Variants in UMAD1 observed in about 807,000 individuals in gnomAD.
UMAD1 encodes the protein UBAP1-MVB12-associated (UMA) domain containing 1.
In UMAD1, 8 loss-of-function variants were observed where a neutral mutation model predicts 6.1. The ratio of observed to expected loss-of-function variants is 1.30; its 90% CI spans 0.76 to 2.35. The LOEUF is 2.35. Ranked by LOEUF, UMAD1 falls within the 30% of genes most tolerant of loss-of-function variation. The pLI is 0.00. For missense variants in UMAD1, 130 were observed against 78.4 expected (o/e 1.66, Z -2.49); for synonymous variants, 56 against 31.4 (o/e 1.78, Z -2.61).
intron 2 of UMAD1, among the ~76,000 whole-genome samples, chr7:7,703,534 T>A (rs1780520140): frequency 6.6e-6 from 1 of 152,200 alleles, no homozygotes; most frequent in East Asian, 1.9e-4. Context: ...CTATATTGAA[T>A]CCCAGAGGTC....
At chr7:7,769,469 C>T (rs1583811710) in intron 2 of UMAD1, among the ~76,000 whole-genome samples, 1 of 152,072 alleles carries the variant, frequency 6.6e-6, no homozygotes, top group Non-Finnish European at 1.5e-5. Flanking sequence ...TTTCTTCATG[C>T]GCCTTAGAGA....
At chr7:7,690,243 G>A (rs1397970708) in intron 2 of UMAD1, among the ~76,000 whole-genome samples, 1 of 152,002 alleles carries the variant, frequency 6.6e-6, no homozygotes, top group Non-Finnish European at 1.5e-5. Context: ...ATTTGGAAAT[G>A]TATTTCCAAA....
intron 3 of UMAD1, among the ~76,000 whole-genome samples, chr7:7,875,069 C>T (rs539927557): frequency 8.7e-4 from 132 of 152,240 alleles, no homozygotes; most frequent in African/African-American, 3.0e-3. Flanking sequence ...CCACCGTGCC[C>T]GGCCCAGAAA....
Position 7,789,694 on chromosome 7 carries a change from A to G in UMAD1, c.83-11976A>G, listed in dbSNP as rs574661367. 1.5e-4 allele frequency among the ~76,000 whole-genome samples: 22 copies of G among 151,712 alleles called. No homozygotes were observed. The East Asian group carries it at 3.7e-3, about 25-fold the overall frequency. On this transcript the variant is annotated intron_variant, in intron 2 of 3. Coordinates refer to ENST00000682710, the MANE Select transcript of UMAD1 (RefSeq NM_001302348.2). The stretch of plus-strand genomic sequence containing the variant: ...AATGTGACTACTTTAGGTATGTCAT[A>G]TAAGTAGCATCATACAGTATTTGTC...
chr7:7,799,123 A>C (rs1243427409), intron 2 of UMAD1, among the ~76,000 whole-genome samples: 2 of 152,212 alleles, frequency 1.3e-5, no homozygotes, highest in Admixed American at 6.5e-5. Context: ...GATTAGAGAA[A>C]ATATAGAAAA....
intron 2 of UMAD1, among the ~76,000 whole-genome samples, chr7:7,767,781 A>G (rs1446177103): frequency 6.6e-6 from 1 of 152,204 alleles, no homozygotes; most frequent in Non-Finnish European, 1.5e-5. Flanking sequence ...AGCTGAGCCT[A>G]AGCAACTTGC....
chr7:7,764,865 A>G (rs1781955224), intron 2 of UMAD1, among the ~76,000 whole-genome samples: 1 of 152,024 alleles, frequency 6.6e-6, no homozygotes, highest in African/African-American at 2.4e-5. Flanking sequence ...TGATCTCCAA[A>G]ACTGGCCTGC....
intron 2 of UMAD1, among the ~76,000 whole-genome samples, chr7:7,785,657 A>G (rs1210815110): frequency 6.6e-6 from 1 of 152,240 alleles, no homozygotes; most frequent in African/African-American, 2.4e-5. Flanking sequence ...CACAGAAATC[A>G]TGGTAGCCTA....
chr7:7,867,850 A>G (rs1314130267), intron 3 of UMAD1, among the ~76,000 whole-genome samples: 3 of 152,174 alleles, frequency 2.0e-5, no homozygotes, highest in African/African-American at 4.8e-5. Flanking sequence ...GACTCCCCCT[A>G]ATTGATGAAG....
intron 3 of UMAD1, among the ~76,000 whole-genome samples, chr7:7,871,967 G>T (rs1257586723): frequency 6.6e-6 from 1 of 151,950 alleles, no homozygotes; most frequent in Non-Finnish European, 1.5e-5. Flanking sequence ...GGGAGTCCTT[G>T]CCACACTCAG....
chr7:7,641,198 G>GAT (rs938201003), intron 1 of UMAD1: 1 of 152,176 alleles, frequency 6.6e-6, no homozygotes, highest in Non-Finnish European at 1.5e-5. Context: ...AGATTGATCC[G>GAT]ATTACTTCTA....
At chr7:7,821,530 G>C (rs1482658123) in intron 3 of UMAD1, among the ~76,000 whole-genome samples, 1 of 152,074 alleles carries the variant, frequency 6.6e-6, no homozygotes. Context: ...TTCTTAATAT[G>C]TACAGTAAAT....
rs536716145 is a variant in UMAD1, at chr7:7,742,442, TTC to T, written c.83-59226_83-59225del. The T allele has an allele frequency of 9.3e-5, 51 of 547,394 alleles. No homozygotes were observed. The African/African-American group carries it at 9.6e-4, about 10-fold the overall frequency. The allele number at this position is 547,394 out of a possible 1,614,324, so 33.9% of individuals were successfully genotyped here. ...GGGTGACGGGCAGATCTTTCTTTTT[TTC>T]TTTTTCTTTTTTTGTGGTTGTGGAC... On this transcript the variant is annotated intron_variant, in intron 2 of 3. Coordinates refer to ENST00000682710, the MANE Select transcript of UMAD1 (RefSeq NM_001302348.2).
chr7:7,793,722 A>C (rs1004707492), intron 2 of UMAD1, among the ~76,000 whole-genome samples: 3 of 152,246 alleles, frequency 2.0e-5, no homozygotes, highest in African/African-American at 7.2e-5. Flanking sequence ...ATTGAAAGGA[A>C]AAAAGTGTGG....
intron 3 of UMAD1, among the ~76,000 whole-genome samples, chr7:7,860,337 GT>G (rs1228941181): frequency 2.0e-5 from 3 of 151,974 alleles, no homozygotes; most frequent in African/African-American, 7.3e-5. Flanking sequence ...AGGAACCATG[GT>G]TTGTGTTTCT....
intron 3 of UMAD1, among the ~76,000 whole-genome samples, chr7:7,844,909 A>G (rs1031332755): frequency 6.6e-6 from 1 of 152,194 alleles, no homozygotes; most frequent in Non-Finnish European, 1.5e-5. Flanking sequence ...TACAATTTAT[A>G]CTTTAAAACA....
At chr7:7,690,869 A>T (rs1037949074) in intron 2 of UMAD1, among the ~76,000 whole-genome samples, 4 of 152,232 alleles carry the variant, frequency 2.6e-5, no homozygotes, top group Non-Finnish European at 5.9e-5. Context: ...AAATTCAATT[A>T]TGACTTATAC....
intron 3 of UMAD1, 39 bp downstream of exon 3, chr7:7,801,782 A>G (rs1782805205): frequency 4.2e-6 from 3 of 715,700 alleles, no homozygotes; most frequent in East Asian, 2.7e-5. Context: ...GTGAAACTGA[A>G]CAAGTCACTA....
intron 2 of UMAD1, among the ~76,000 whole-genome samples, chr7:7,765,507 C>G (rs924083469): frequency 1.3e-5 from 2 of 151,994 alleles, no homozygotes; most frequent in African/African-American, 2.4e-5. Context: ...TATTACAATT[C>G]TAAAATTTGC....
Sources: gnomAD v4.1 joint callset for allele counts (sites outside exome capture counted in the v4.1 genomes callset) on GRCh38, gnomAD v4.1.1 for gene constraint, MANE v1.5 for transcripts, NCBI Gene and HGNC (gene_info 2026-07-23, HGNC 2026-07-21) for gene names.